The following ADGRD1 variants were observed in gnomAD, a reference collection of about 807,000 sequenced individuals.
ADGRD1 encodes the protein adhesion G protein-coupled receptor D1, also known as G-protein coupled receptor 133.
In ADGRD1, 77 loss-of-function variants were observed where a neutral mutation model predicts 113.4. That is an observed-to-expected ratio of 0.68 (90% CI 0.57 to 0.82). ADGRD1 has a LOEUF of 0.82. Among genes scored for constraint, ADGRD1 ranks in the 40% least tolerant of loss-of-function variants. The probability of loss-of-function intolerance (pLI) is 0.00; values close to 1 mark genes in which losing one functional copy is unlikely to be tolerated. For synonymous variants in ADGRD1, 474 were observed against 475.0 expected (o/e 1.00, Z 0.03); for missense variants, 1,036 against 1,139.1 (o/e 0.91, Z 1.30).
At chr12:131,076,346 A>T (rs1450737573) in intron 13 of ADGRD1, among the ~76,000 whole-genome samples, 1 of 152,178 alleles carries the variant, frequency 6.6e-6, no homozygotes, top group Non-Finnish European at 1.5e-5. Flanking sequence ...TGAAAACATC[A>T]GTGAGTGGAA....
At chr12:131,132,366 G>A (rs147589478) in intron 21 of ADGRD1, among the ~76,000 whole-genome samples, 32 of 152,288 alleles carry the variant, frequency 2.1e-4, no homozygotes, top group African/African-American at 6.5e-4. Context: ...CACTGCCATC[G>A]GGGGTGTCCT....
At chr12:131,047,285 C>T (rs1882933497) in intron 13 of ADGRD1, among the ~76,000 whole-genome samples, 2 of 152,168 alleles carry the variant, frequency 1.3e-5, no homozygotes, top group South Asian at 4.1e-4. Context: ...TGTGTGCTGG[C>T]CTGGAGGAGG....
At chr12:131,093,164 G>A (rs939791977) in intron 15 of ADGRD1, among the ~76,000 whole-genome samples, 10 of 152,172 alleles carry the variant, frequency 6.6e-5, no homozygotes, top group African/African-American at 2.4e-4. Context: ...GGTTAGAACT[G>A]TGGGAGGGAG....
At chr12:130,991,110 G>A in intron 7 of ADGRD1, 32 bp downstream of exon 7, 1 of 1,586,194 alleles carries the variant, frequency 6.3e-7, no homozygotes, top group Non-Finnish European at 8.7e-7. Flanking sequence ...GGTCCCCCTT[G>A]CTGATGTTCT....
At position 130,970,635 on chromosome 12, in the gene ADGRD1, A is replaced by T. The variant is rs570897984; in HGVS notation, c.188-823A>T. On this transcript the variant is annotated intron_variant, in intron 3 of 24. Coordinates refer to ENST00000261654, the MANE Select transcript of ADGRD1 (RefSeq NM_198827.5). ...ATGTGGTAGCAAAGATCTCTGAGCGATTATGACCCCAGTTAACAGTAAATC... is the reference window on the plus strand; with the variant it reads ...ATGTGGTAGCAAAGATCTCTGAGCGTTTATGACCCCAGTTAACAGTAAATC... 3.3e-5 allele frequency: 5 copies of T among 152,334 alleles called. No homozygotes were observed. The East Asian group carries it at 9.6e-4, about 29-fold the overall frequency. 9.4% of individuals were successfully genotyped at this position (152,334 alleles called of 1,614,324 possible).
chr12:130,956,466 G>A (rs1593249090), intron 2 of ADGRD1: 1 of 152,256 alleles, frequency 6.6e-6, no homozygotes, highest in Non-Finnish European at 1.5e-5. Flanking sequence ...CCTGTGGCTT[G>A]GGAACGAATA....
chr12:131,126,435 TTC>T (rs1379314690), intron 20 of ADGRD1, among the ~76,000 whole-genome samples: 1 of 152,242 alleles, frequency 6.6e-6, no homozygotes, highest in Non-Finnish European at 1.5e-5. Context: ...GTCTGTGGTA[TTC>T]TGTTATAGTA....
chr12:131,012,277 ATTTT>A (rs11414277), intron 12 of ADGRD1, among the ~76,000 whole-genome samples: 1 of 147,282 alleles, frequency 6.8e-6, no homozygotes, highest in African/African-American at 2.5e-5. Context: ...CTTTCTTTTC[ATTTT>A]TTTTTTTTTT....
chr12:130,960,001 A>G (rs930090165), intron 2 of ADGRD1, among the ~76,000 whole-genome samples: 1 of 152,150 alleles, frequency 6.6e-6, no homozygotes, highest in African/African-American at 2.4e-5. Context: ...CCACATCTGG[A>G]AGCTTTTCCA....
chr12:131,035,537 T>C (rs951839987), intron 13 of ADGRD1: 7 of 152,288 alleles, frequency 4.6e-5, no homozygotes, highest in African/African-American at 1.4e-4. Context: ...GACTGCAGTC[T>C]GCACCTTCAG....
At chr12:131,004,022 C>T (rs76384893) in intron 10 of ADGRD1, among the ~76,000 whole-genome samples, 164 bp from the exon 11 acceptor site, 1 of 139,578 alleles carries the variant, frequency 7.2e-6, no homozygotes, top group Admixed American at 7.1e-5. Flanking sequence ...ATTGCTTTAC[C>T]CTTTTTTTTT....
At chr12:131,076,145 C>T (rs1326627147) in intron 13 of ADGRD1, among the ~76,000 whole-genome samples, 1 of 152,228 alleles carries the variant, frequency 6.6e-6, no homozygotes, top group Non-Finnish European at 1.5e-5. Flanking sequence ...TTCACTGATT[C>T]TTTTGTTCAT....
chr12:131,053,801 A>G (rs181258543), intron 13 of ADGRD1, among the ~76,000 whole-genome samples: 211 of 152,274 alleles, frequency 1.4e-3, no homozygotes, highest in African/African-American at 4.7e-3. Context: ...GGTGAGAAAC[A>G]CTTCAGTTTT....
At chr12:130,969,689 C>A (rs1351014719) in intron 3 of ADGRD1, 1 of 152,268 alleles carries the variant, frequency 6.6e-6, no homozygotes, top group Non-Finnish European at 1.5e-5. Flanking sequence ...ATAAAGTGCA[C>A]AATAAATGTA....
intron 2 of ADGRD1, among the ~76,000 whole-genome samples, chr12:130,955,944 A>T (rs184277052): frequency 5.9e-5 from 9 of 152,154 alleles, no homozygotes; most frequent in African/African-American, 1.9e-4. Flanking sequence ...CCATGCCACC[A>T]CGCCTGGCTA....
chr12:131,111,641 G>A (rs1056023863), intron 18 of ADGRD1, among the ~76,000 whole-genome samples: 1 of 150,878 alleles, frequency 6.6e-6, no homozygotes, highest in Non-Finnish European at 1.5e-5. Flanking sequence ...TCTTCAAATT[G>A]CGTAATCTTT....
At chr12:130,956,718 G>C (rs928361475) in intron 2 of ADGRD1, 1 of 152,268 alleles carries the variant, frequency 6.6e-6, no homozygotes, top group Non-Finnish European at 1.5e-5. Flanking sequence ...GAGAAAAGCT[G>C]TGCGGGTTCT....
At position 131,105,832 on chromosome 12, in the gene ADGRD1, G is replaced by A. The variant is rs181364296; in HGVS notation, c.1854G>A (p.Leu618=). 4.3e-4 allele frequency: 692 copies of A among 1,600,454 alleles called. 4 individuals carry two copies. The highest frequency in any genetic ancestry group is 2.1e-3 in the Middle Eastern group (13 of 6,058). The change falls in exon 17 of 25, where the codon CTG becomes CTA. Residue 618 remains leucine, a synonymous_variant. Coordinates refer to ENST00000261654, the MANE Select transcript of ADGRD1 (RefSeq NM_198827.5). The part of the protein sequence containing the change: ...LSFAVLVAQV[L]LLISFRLEPG... ...TCGCCGTGCTGGTGGCCCAGGTCCT[G>A]CTGCTCATTAGTTTCCGCCTCGAGC...
At chr12:131,129,428 G>A (rs1479649604) in intron 20 of ADGRD1, among the ~76,000 whole-genome samples, 3 of 121,648 alleles carry the variant, frequency 2.5e-5, no homozygotes, top group Non-Finnish European at 3.4e-5. Flanking sequence ...TGACAGGCCC[G>A]CCCTGCTGTC....
Sources: gnomAD v4.1 joint callset for allele counts (sites outside exome capture counted in the v4.1 genomes callset) on GRCh38, gnomAD v4.1.1 for gene constraint, MANE v1.5 for transcripts, NCBI Gene and HGNC (gene_info 2026-07-23, HGNC 2026-07-21) for gene names.